The following ELFN2 variants were observed in gnomAD, a reference collection of about 807,000 sequenced individuals.
The protein encoded by ELFN2 is extracellular leucine rich repeat and fibronectin type III domain containing 2.
Under a neutral mutation model 45.5 loss-of-function variants are expected in ELFN2, and 17 were observed. The ratio of observed to expected loss-of-function variants is 0.37; its 90% CI spans 0.26 to 0.56. The LOEUF (loss-of-function observed/expected upper bound fraction) is 0.56, where lower values mean the gene tolerates loss of function less well. Ranked by LOEUF, ELFN2 falls within the 20% of genes least tolerant of loss-of-function variation. The pLI, the probability that ELFN2 is intolerant of heterozygous loss-of-function variation, is 0.77. For missense variants in ELFN2, 922 were observed against 1,183.2 expected, an observed-to-expected ratio of 0.78 and a Z score of 3.24; for synonymous variants, 550 against 551.5, an observed-to-expected ratio of 1.00 and a Z score of 0.04.
At chr22:37,353,134 C>CT (rs1930864786) in intron 1 of ELFN2, 1 of 151,022 alleles carries the variant, frequency 6.6e-6, no homozygotes, top group East Asian at 1.9e-4. Context: ...ACCTTGGTTC[C>CT]TTTTGATTCC....
Position 37,374,764 on chromosome 22 carries a change from G to A in ELFN2, c.771C>T (p.His257=). Residue 257 remains histidine (H), a synonymous_variant, in exon 3 of 3, where the codon CAC becomes CAT. Coordinates refer to ENST00000402918, the MANE Select transcript of ELFN2 (RefSeq NM_052906.5). ...NGSLPARPVS[H]PTPYSTDAQR... Reference sequence around the variant, plus strand: ...GGGCGTCGGTGGAGTAGGGCGTGGGGTGGCTCACGGGCCGGGCGGGCAGCG... The same window carrying A: ...GGGCGTCGGTGGAGTAGGGCGTGGGATGGCTCACGGGCCGGGCGGGCAGCG... 1 of 1,609,564 alleles carries A rather than the reference G, an allele frequency of 6.2e-7. No individual in the cohort carries two copies. The highest frequency in any genetic ancestry group is 8.5e-7 in the Non-Finnish European group (1 of 1,179,112).
rs959642608 is a variant in ELFN2 at position 37,380,495 on chromosome 22, C to T, written c.-462-4499G>A. On this transcript the variant is annotated intron_variant, in intron 2 of 2. Transcript: ENST00000402918. ...GTGGCCACACTCTTGCAGGGACACCCGTCAGCTCCAGGAGCAGGTGGGGGG... is the reference window on the plus strand; with the variant it reads ...GTGGCCACACTCTTGCAGGGACACCTGTCAGCTCCAGGAGCAGGTGGGGGG... Among the ~76,000 whole-genome samples the T allele has an allele frequency of 2.6e-5, 4 of 152,210 alleles. No individual in the cohort carries two copies. In the East Asian group the frequency reaches 5.8e-4, roughly 22 times the overall value.
chr22:37,402,049 C>T (rs1932377615), intron 2 of ELFN2, among the ~76,000 whole-genome samples: 1 of 152,176 alleles, frequency 6.6e-6, no homozygotes, highest in African/African-American at 2.4e-5. Context: ...TGACCTTGGG[C>T]TCCTGACTTA....
In ELFN2 at chr22:37,350,993, G is replaced by A. The variant is rs952459658; in HGVS notation, n.149-8290C>T. On this transcript the variant is annotated intron_variant and non_coding_transcript_variant, in intron 1 of 2. Coordinates refer to ENST00000452946, the Ensembl canonical transcript of ELFN2. ...CTGCCTCAGTGGGCCGCGGGACCCC[G>A]GGTACATGGCTTCTCCTCTCCAGGC... Among the ~76,000 whole-genome samples the A allele has an allele frequency of 4.7e-5, 7 of 150,272 alleles. 1 individual carries two copies. Among genetic ancestry groups the A allele is most frequent in the African/African-American group, 7.3e-5 (3 of 41,224 alleles).
intron 2 of ELFN2, among the ~76,000 whole-genome samples, chr22:37,392,325 T>TC (rs112962717): frequency 0.11 from 16,878 of 150,298 alleles, 1,193 homozygotes; most frequent in Non-Finnish European, 0.16. Context: ...TCTCTTTTTT[T>TC]TTTTTTTTTT....
chr22:37,378,349 A>C (rs9610722), intron 2 of ELFN2, among the ~76,000 whole-genome samples: 120,111 of 152,230 alleles, frequency 0.79, 47,735 homozygotes, highest in African/African-American at 0.89. Context: ...TCCAGCCCCT[A>C]TCCTCACATC....
intron 2 of ELFN2, among the ~76,000 whole-genome samples, chr22:37,379,808 T>G (rs1931696756): frequency 6.6e-6 from 1 of 152,054 alleles, no homozygotes; most frequent in African/African-American, 2.4e-5. Flanking sequence ...CTCCGGTTAG[T>G]CAGCTGCCCA....
At chr22:37,406,172 T>C (rs1932496311) in intron 2 of ELFN2, among the ~76,000 whole-genome samples, 1 of 151,534 alleles carries the variant, frequency 6.6e-6, no homozygotes, top group Non-Finnish European at 1.5e-5. Context: ...AAATGAAAAA[T>C]AAAAAACAAG....
chr22:37,388,091 A>C (rs1931999968), intron 2 of ELFN2, among the ~76,000 whole-genome samples: 1 of 147,758 alleles, frequency 6.8e-6, no homozygotes, highest in Non-Finnish European at 1.5e-5. Context: ...CTCCAACCCT[A>C]CCTCCCCACT....
intron 2 of ELFN2, among the ~76,000 whole-genome samples, chr22:37,410,727 C>T (rs184953886): frequency 1.6e-3 from 248 of 152,306 alleles, no homozygotes; most frequent in African/African-American, 5.6e-3. Flanking sequence ...TTCTACCACA[C>T]GAAGCAACCG....
Position 37,388,732 on chromosome 22 carries a change from T to C in ELFN2, c.-462-12736A>G, listed in dbSNP as rs578075336. Among the ~76,000 whole-genome samples the C allele has an allele frequency of 3.3e-5, 5 of 152,330 alleles. No homozygotes were observed. In the South Asian group the frequency reaches 1.0e-3, roughly 32 times the overall value. On this transcript the variant is annotated intron_variant, in intron 2 of 2. Transcript: ENST00000402918. ...CACTCCCTTGAGTTTGACCTTGGAC[T>C]AGCCACATGACTCTCAGGGCCTCAG...
At chr22:37,419,512 C>T (rs1932793018) in intron 1 of ELFN2, among the ~76,000 whole-genome samples, 1 of 152,092 alleles carries the variant, frequency 6.6e-6, no homozygotes, top group Non-Finnish European at 1.5e-5. Context: ...CACACAGACA[C>T]CCTCCCCAAC....
rs133717 is a variant in ELFN2, at chr22:37,426,650, A to C, written c.-614+648T>G. 6.9e-5 allele frequency among the ~76,000 whole-genome samples: 10 copies of C among 144,174 alleles called. 1 individual carries two copies. The highest frequency in any genetic ancestry group is 2.2e-4 in the South Asian group (1 of 4,470). 94.6% of individuals were successfully genotyped at this position (144,174 alleles called of 152,430 possible). ...TGGCACGCGCTCGCACACACACACA[A>C]ACACACACACACACACACACCCGGC... is the stretch of plus-strand genomic sequence containing the variant. On this transcript the variant is annotated intron_variant, in intron 1 of 2. Transcript: ENST00000402918.
rs1285538517 is a variant in ELFN2 at position 37,375,946 on chromosome 22, G to A, written c.-412C>T. On this transcript the variant is annotated 5_prime_UTR_variant, in exon 3 of 3. Coordinates refer to ENST00000402918, the MANE Select transcript of ELFN2 (RefSeq NM_052906.5). Reference sequence around the variant, plus strand: ...GGCTGGAGAGTGCCGCACTGAGCCAGGAGTGAGAGAGATGGGGGCAGGAAG... The same window carrying A: ...GGCTGGAGAGTGCCGCACTGAGCCAAGAGTGAGAGAGATGGGGGCAGGAAG... The A allele has an allele frequency of 1.2e-5, 3 of 243,382 alleles. No individual in the cohort carries two copies. In the East Asian group the frequency reaches 3.5e-4, roughly 28 times the overall value. 15.1% of individuals were successfully genotyped at this position (243,382 alleles called of 1,614,324 possible).
At chr22:37,400,880 G>A (rs375173756) in intron 2 of ELFN2, among the ~76,000 whole-genome samples, 1 of 152,258 alleles carries the variant, frequency 6.6e-6, no homozygotes, top group African/African-American at 2.4e-5. Context: ...TACACACCTG[G>A]AAGGGACTTG....
At chr22:37,416,770 C>T (rs543957737) in intron 2 of ELFN2, among the ~76,000 whole-genome samples, 2 of 152,130 alleles carry the variant, frequency 1.3e-5, no homozygotes, top group South Asian at 2.1e-4. Flanking sequence ...CCTGCAGCAG[C>T]CCTTCCCCCA....
chr22:37,423,239 G>A (rs1932823749), intron 1 of ELFN2, among the ~76,000 whole-genome samples: 1 of 152,148 alleles, frequency 6.6e-6, no homozygotes, highest in Non-Finnish European at 1.5e-5. Flanking sequence ...TGGGATGGGG[G>A]GTTGAGATGC....
downstream of ELFN2, among the ~76,000 whole-genome samples, chr22:37,365,730 G>C (rs1931188649): frequency 1.3e-5 from 2 of 152,132 alleles, no homozygotes; most frequent in Non-Finnish European, 2.9e-5. Context: ...GAAATATCCA[G>C]TTCCTGGGGC....
At chr22:37,412,876 TC>T (rs1276061318) in intron 2 of ELFN2, among the ~76,000 whole-genome samples, 3 of 152,034 alleles carry the variant, frequency 2.0e-5, no homozygotes, top group Non-Finnish European at 4.4e-5. Context: ...GCAGCCTTCC[TC>T]CCCGGGTGAC....
Sources: allele counts gnomAD v4.1 joint callset (sites outside exome capture counted in the v4.1 genomes callset), GRCh38; gene constraint gnomAD v4.1.1; transcripts MANE v1.5; gene names NCBI Gene and HGNC (gene_info 2026-07-23, HGNC 2026-07-21).